ARHGEF17: variants seen among roughly 807,000 people sequenced by gnomAD.
ARHGEF17 encodes the protein Rho guanine nucleotide exchange factor 17.
A neutral mutation model predicts 174.0 loss-of-function variants in ARHGEF17; 80 were observed. The observed-to-expected ratio is 0.46, with a 90% CI of 0.38 to 0.55. ARHGEF17 has a LOEUF of 0.55. Ranked by LOEUF, ARHGEF17 falls within the 20% of genes least tolerant of loss-of-function variation. The pLI, the probability that ARHGEF17 is intolerant of heterozygous loss-of-function variation, is 0.00. For synonymous variants in ARHGEF17, 1,311 were observed against 1,189.1 expected, an observed-to-expected ratio of 1.10 and a Z score of -2.11; for missense variants, 2,886 against 2,839.7, an observed-to-expected ratio of 1.02 and a Z score of -0.37.
chr11:73,367,740 G>A lies in ARHGEF17; in HGVS notation c.6152G>A (p.Arg2051Gln), dbSNP rs747512449. 9.3e-6 allele frequency: 15 copies of A among 1,613,848 alleles called. No individual in the cohort carries two copies. Among genetic ancestry groups the A allele is most frequent in the South Asian group, 7.7e-5 (7 of 91,090 alleles). ...GGCAGCAGCAGTGAGACTGTGGGTC[G>A]AGACGACAGCACAAACCACCTCCTC... ...GGGSSSETVG[R>Q]DDSTNHLLLW... Residue 2051 changes from arginine to glutamine, a missense_variant, in exon 21 of 21, where the codon CGA (arginine) becomes CAA (glutamine). Transcript: ENST00000263674.
chr11:73,319,355 C>T (rs1328435993), intron 1 of ARHGEF17, among the ~76,000 whole-genome samples: 2 of 152,218 alleles, frequency 1.3e-5, no homozygotes, highest in Non-Finnish European at 2.9e-5. Flanking sequence ...AGCCACTGCG[C>T]CCGGCCTCCT....
At chr11:73,317,069 G>A (rs1267542078) in intron 1 of ARHGEF17, among the ~76,000 whole-genome samples, 1 of 152,156 alleles carries the variant, frequency 6.6e-6, no homozygotes, top group African/African-American at 2.4e-5. Flanking sequence ...CTTAGGGTGG[G>A]GAGGTGGAGT....
chr11:73,331,433 C>T (rs1220446364), intron 1 of ARHGEF17, among the ~76,000 whole-genome samples: 1 of 152,154 alleles, frequency 6.6e-6, no homozygotes, highest in Non-Finnish European at 1.5e-5. Context: ...CTGGCCCCAG[C>T]GTAGCCTATA....
Position 73,311,843 on chromosome 11 carries a change from T to TA in ARHGEF17, c.3192+14dup. On this transcript the variant is annotated intron_variant, in intron 1 of 20. Transcript: ENST00000263674. ...CAAGCCACAGGTGGTGAGTCCTTTG[T>TA]AGGGGCCTTCAGATTGGGGCCAAAG... 1 of 1,583,242 alleles carries TA rather than the reference T, an allele frequency of 6.3e-7. No individual in the cohort carries two copies. The highest frequency in any genetic ancestry group is 1.1e-5 in the South Asian group (1 of 88,548).
chr11:73,309,026 C>A lies in ARHGEF17; in HGVS notation c.388C>A (p.Arg130Ser). ...RGAWPSVTEM[R>S]KLFGGPGSRR... ...AGCCTGGCCCAGCGTCACCGAGATG[C>A]GCAAGCTCTTCGGCGGTCCTGGCTC... is the stretch of plus-strand genomic sequence containing the variant. The change falls in exon 1 of 21, where the codon CGC (arginine) becomes AGC (serine). Residue 130 changes from arginine (R) to serine (S), a missense_variant. This residue lies in a region of ARHGEF17 where 1,728 missense variants were observed against 1,461.2 expected (regional missense o/e 1.18). Transcript: ENST00000263674. 1 of 1,428,678 alleles carries A rather than the reference C, an allele frequency of 7.0e-7. No homozygotes were observed. The highest frequency in any genetic ancestry group is 9.1e-7 in the Non-Finnish European group (1 of 1,096,402). The allele number at this position is 1,428,678 out of a possible 1,614,324, so 88.5% of individuals were successfully genotyped here. A position where few individuals can be genotyped will look rare whatever the true frequency, so the allele number is the denominator to read the frequency against.
rs1865871604 is a variant in ARHGEF17 at position 73,368,020 on chromosome 11, A to G, written c.*240A>G. 6 of 479,482 alleles carry G rather than the reference A, an allele frequency of 1.3e-5. No individual in the cohort carries two copies. The highest frequency in any genetic ancestry group is 2.3e-5 in the Non-Finnish European group (6 of 265,938). 29.7% of individuals were successfully genotyped at this position (479,482 alleles called of 1,614,324 possible). A position where few individuals can be genotyped will look rare whatever the true frequency, so the allele number is the denominator to read the frequency against. On this transcript the variant is annotated 3_prime_UTR_variant, in exon 21 of 21. Transcript: ENST00000263674. ...TTCCAGTCATGATCGGGTGGGGGAC[A>G]TGTGGGCTGACCAGGACCTCTGACC...
In ARHGEF17 at chr11:73,310,557, A is replaced by G; in HGVS notation, c.1919A>G (p.Glu640Gly). ...TCCCAGGAGGAGCTCTCAGGCCCTG[A>G]GTCCAGTCTGACAGATGAAGGCATT... ...QRSQEELSGP[E>G]SSLTDEGIGA... is the part of the protein sequence containing the mutation. Residue 640 changes from glutamate (E) to glycine (G), a missense_variant, in exon 1 of 21, where the codon GAG becomes GGG. Coordinates refer to ENST00000263674, the MANE Select transcript of ARHGEF17 (RefSeq NM_014786.4). The G allele has an allele frequency of 6.2e-7, 1 of 1,614,090 alleles. No individual in the cohort carries two copies. Among genetic ancestry groups the G allele is most frequent in the Non-Finnish European group, 8.5e-7 (1 of 1,180,020 alleles).
rs541433927 is a variant in ARHGEF17 at position 73,346,092 on chromosome 11, T to C, written c.3193-791T>C. Among the ~76,000 whole-genome samples, 3 of 152,208 alleles carry C rather than the reference T, an allele frequency of 2.0e-5. No individual in the cohort carries two copies. The East Asian group carries it at 5.8e-4, about 29-fold the overall frequency. On this transcript the variant is annotated intron_variant, in intron 1 of 20. Coordinates refer to ENST00000263674, the MANE Select transcript of ARHGEF17 (RefSeq NM_014786.4). ...TGGGGGTGTGGGTGCAGAGGCTGTG[T>C]GACCCCTTGGGGACTCAGTAATTCA...
At chr11:73,363,672 C>G in intron 15 of ARHGEF17, 75 bp from the exon 16 acceptor site, 1 of 1,576,362 alleles carries the variant, frequency 6.3e-7, no homozygotes. Context: ...GTGCTAGGGG[C>G]AAAGAGGTGG....
intron 1 of ARHGEF17, among the ~76,000 whole-genome samples, chr11:73,319,881 G>A (rs575741185): frequency 4.6e-5 from 7 of 152,312 alleles, no homozygotes; most frequent in African/African-American, 1.7e-4. Flanking sequence ...CCTGGGGCCA[G>A]GCCTGGCTTC....
intron 1 of ARHGEF17, among the ~76,000 whole-genome samples, chr11:73,335,148 G>T (rs1865266125): frequency 6.6e-6 from 1 of 152,178 alleles, no homozygotes; most frequent in Non-Finnish European, 1.5e-5. Context: ...TTTCCTGGGA[G>T]CCCTAAAGCA....
In ARHGEF17 at chr11:73,365,111, T is replaced by C. The variant is rs1318411090; in HGVS notation, c.5551-279T>C. 3 of 434,424 alleles carry C rather than the reference T, an allele frequency of 6.9e-6. No homozygotes were observed. The highest frequency in any genetic ancestry group is 1.2e-5 in the Non-Finnish European group (3 of 240,250). 26.9% of individuals were successfully genotyped at this position (434,424 alleles called of 1,614,324 possible). A position where few individuals can be genotyped will look rare whatever the true frequency, so the allele number is the denominator to read the frequency against. On this transcript the variant is annotated intron_variant, in intron 18 of 20. Coordinates refer to ENST00000263674, the MANE Select transcript of ARHGEF17 (RefSeq NM_014786.4). This position sits in a 1 kb window ranked among gnomAD's most constrained non-coding sequence, Gnocchi z 4.9. ...CCTTCTAGGCTTCAGCTTCCCCACC[T>C]GTCCAGGGGGAGGCCAGTGACTGAT...
At chr11:73,357,396 C>T in intron 9 of ARHGEF17, 69 bp downstream of exon 9, 1 of 1,423,700 alleles carries the variant, frequency 7.0e-7, no homozygotes, top group South Asian at 1.3e-5. Flanking sequence ...AGGGTCTGAG[C>T]TCCAGCCAGT....
intron 1 of ARHGEF17, among the ~76,000 whole-genome samples, chr11:73,312,539 G>A (rs375328957): frequency 2.0e-5 from 3 of 152,092 alleles, no homozygotes; most frequent in Admixed American, 6.5e-5. Context: ...GGGAGCCTGC[G>A]GTTTTGAGTT....
intron 6 of ARHGEF17, 42 bp from the exon 7 acceptor site, chr11:73,356,667 A>C: frequency 6.2e-7 from 1 of 1,612,896 alleles, no homozygotes; most frequent in Non-Finnish European, 8.5e-7. Flanking sequence ...GATAGGGATT[A>C]ATAACTGGCC....
chr11:73,325,584 A>G (rs1865088749), intron 1 of ARHGEF17, among the ~76,000 whole-genome samples: 1 of 152,130 alleles, frequency 6.6e-6, no homozygotes, highest in Non-Finnish European at 1.5e-5. Context: ...TCACTTTTCA[A>G]TCCCCAGCAG....
At chr11:73,311,875 C>G in intron 1 of ARHGEF17, 45 bp downstream of exon 1, 1 of 1,545,328 alleles carries the variant, frequency 6.5e-7, no homozygotes, top group Non-Finnish European at 8.7e-7. Context: ...AAAGAAGGGC[C>G]ATGGGCACCG....
intron 1 of ARHGEF17, among the ~76,000 whole-genome samples, chr11:73,321,260 C>G (rs1865013033): frequency 7.5e-6 from 1 of 133,920 alleles, no homozygotes; most frequent in Non-Finnish European, 1.5e-5. Flanking sequence ...CCTTGCTCCA[C>G]TCACCAGCTC....
Position 73,362,131 on chromosome 11 carries a change from G to A in ARHGEF17, c.4586G>A (p.Cys1529Tyr). 6.2e-7 allele frequency: 1 copy of A among 1,610,938 alleles called. No individual in the cohort carries two copies. Among genetic ancestry groups the A allele is most frequent in the East Asian group, 2.2e-5 (1 of 44,770 alleles). ...AGCGACGGCTACGTGGGCCAGGTGT[G>A]CCTGCTGAGCCTGCGCGCCGAGCCG... is the stretch of plus-strand genomic sequence containing the variant. ...CNSDGYVGQVCLLSLRAEPDV... is the reference protein window; with the variant it reads ...CNSDGYVGQVYLLSLRAEPDV... The change falls in exon 13 of 21, where the codon TGC becomes TAC. Residue 1529 changes from cysteine to tyrosine, a missense_variant. Physicochemically the swap from Cys to Tyr is radical, Grantham distance 194. Transcript: ENST00000263674.
Sources: allele counts gnomAD v4.1 joint callset (sites outside exome capture counted in the v4.1 genomes callset), GRCh38; gene constraint gnomAD v4.1.1; regional missense constraint gnomAD v4.1.1; non-coding constraint Gnocchi (gnomAD v3.1); transcripts MANE v1.5; gene names NCBI Gene and HGNC (gene_info 2026-07-23, HGNC 2026-07-21).